The following NBAS variants were observed in gnomAD, a reference collection of about 807,000 sequenced individuals.
The protein encoded by NBAS is NAG/BC035112 fusion.
NBAS carries 219 observed loss-of-function variants against 302.5 expected under a neutral mutation model. That is an observed-to-expected ratio of 0.72 (90% confidence interval 0.65 to 0.81). The LOEUF is 0.81. NBAS is among the 30% of genes least tolerant of loss of function. NBAS has a pLI of 0.00. For synonymous variants in NBAS, 1,118 were observed against 1,021.6 expected (o/e 1.09, Z -1.80); for missense variants, 2,932 against 2,841.6 (o/e 1.03, Z -0.72).
At chr2:14,877,333 C>G in the NBAS span, among the ~76,000 whole-genome samples, 2 of 152,178 alleles carry the variant, frequency 1.3e-5, 1 homozygote, top group South Asian at 4.1e-4. Flanking sequence ...CCCCTTGATT[C>G]AGCAACTTCG....
At chr2:15,509,264 C>G (rs1662025890) in intron 10 of NBAS, among the ~76,000 whole-genome samples, 2 of 152,108 alleles carry the variant, frequency 1.3e-5, no homozygotes, top group Admixed American at 6.5e-5. Context: ...TCTCATGCCT[C>G]TATGTTCAGT....
At chr2:14,797,981 T>G in the NBAS span, among the ~76,000 whole-genome samples, 108 of 152,322 alleles carry the variant, frequency 7.1e-4, no homozygotes, top group African/African-American at 2.5e-3. Context: ...TAACGTTACT[T>G]CTAGTAACTT....
the NBAS span, among the ~76,000 whole-genome samples, chr2:14,864,014 C>G: frequency 9.9e-5 from 15 of 152,094 alleles, no homozygotes; most frequent in Non-Finnish European, 2.2e-4. Flanking sequence ...ACTGAAATCA[C>G]TTAGTTACTA....
chr2:15,050,379 C>T, the NBAS span, among the ~76,000 whole-genome samples: 2 of 151,760 alleles, frequency 1.3e-5, no homozygotes, highest in African/African-American at 4.8e-5. Flanking sequence ...ACCCTTGTGG[C>T]TTCAAAGTTA....
chr2:15,137,101 A>G, the NBAS span, among the ~76,000 whole-genome samples: 1 of 152,204 alleles, frequency 6.6e-6, no homozygotes, highest in South Asian at 2.1e-4. Flanking sequence ...GGACAAAGCA[A>G]GAAGGTACCA....
chr2:15,043,768 C>A, the NBAS span, among the ~76,000 whole-genome samples: 3 of 152,314 alleles, frequency 2.0e-5, no homozygotes, highest in South Asian at 6.2e-4. Context: ...TCTAGCTCTG[C>A]CAGGAACCAG....
At chr2:14,805,230 G>C in the NBAS span, among the ~76,000 whole-genome samples, 1 of 152,170 alleles carries the variant, frequency 6.6e-6, no homozygotes, top group East Asian at 1.9e-4. Context: ...CAGCTTCCCA[G>C]AGGAAAGGGT....
Position 15,167,042 on chromosome 2 carries a change from T to C in NBAS, c.*6A>G, listed in dbSNP as rs1664050080. On this transcript the variant is annotated 3_prime_UTR_variant, in exon 52 of 52. Transcript: ENST00000281513. ...TTCTGCTAAGGAGCAGGGCCACAGG[T>C]GGCCCTCACACCCAGTGCTGTGCTG... 6.5e-7 allele frequency: 1 copy of C among 1,535,360 alleles called. No homozygotes were observed.
the NBAS span, among the ~76,000 whole-genome samples, chr2:14,954,415 A>C: frequency 5.3e-5 from 8 of 152,306 alleles, no homozygotes; most frequent in African/African-American, 1.9e-4. Context: ...GGCGACCAGC[A>C]GGCAGGACAC....
At chr2:15,410,637 T>C (rs972150023) in intron 25 of NBAS, among the ~76,000 whole-genome samples, 1 of 152,208 alleles carries the variant, frequency 6.6e-6, no homozygotes, top group African/African-American at 2.4e-5. Flanking sequence ...GATAAAATCT[T>C]TGCATAAGTT....
intron 30 of NBAS, among the ~76,000 whole-genome samples, chr2:15,377,569 A>G (rs1294738902): frequency 2.0e-5 from 3 of 152,228 alleles, no homozygotes; most frequent in African/African-American, 7.2e-5. Flanking sequence ...GACTGGCCCA[A>G]GGTCACATAC....
chr2:14,808,883 G>A, the NBAS span, among the ~76,000 whole-genome samples: 1 of 152,148 alleles, frequency 6.6e-6, no homozygotes, highest in Non-Finnish European at 1.5e-5. Context: ...AGGCTGAGGT[G>A]GTCTCAGATG....
At chr2:15,387,691 G>A (rs1163230723) in intron 28 of NBAS, among the ~76,000 whole-genome samples, 5 of 151,538 alleles carry the variant, frequency 3.3e-5, no homozygotes, top group African/African-American at 9.7e-5. Context: ...GAGTGCAGTG[G>A]CAAGATCTCG....
intron 44 of NBAS, among the ~76,000 whole-genome samples, chr2:15,259,698 G>C (rs750598781): frequency 7.9e-5 from 12 of 152,146 alleles, no homozygotes; most frequent in Non-Finnish European, 1.3e-4. Context: ...ACAACTACCT[G>C]CTGTCATAAA....
chr2:15,490,226 T>C (rs373247098), intron 11 of NBAS, among the ~76,000 whole-genome samples: 51 of 152,236 alleles, frequency 3.4e-4, no homozygotes, highest in South Asian at 2.9e-3. Context: ...AGTCCTCAAG[T>C]CTCAAATGAC....
At chr2:15,376,521 C>T (rs538841400) in intron 30 of NBAS, among the ~76,000 whole-genome samples, 18 of 152,110 alleles carry the variant, frequency 1.2e-4, no homozygotes, top group Non-Finnish European at 2.6e-4. Context: ...AAAGAGCTAA[C>T]TGCTTTAAAC....
intron 11 of NBAS, among the ~76,000 whole-genome samples, chr2:15,501,443 G>A (rs1661545105): frequency 6.6e-6 from 1 of 152,044 alleles, no homozygotes; most frequent in Non-Finnish European, 1.5e-5. Context: ...GATAACAGCA[G>A]TCACCATTAC....
the NBAS span, among the ~76,000 whole-genome samples, chr2:14,823,056 T>C: frequency 5.3e-5 from 8 of 152,204 alleles, no homozygotes; most frequent in Middle Eastern, 3.2e-3. Flanking sequence ...ACAAGCTGAA[T>C]TGGCAAAACA....
the NBAS span, among the ~76,000 whole-genome samples, chr2:14,833,759 T>C: frequency 1.3e-5 from 2 of 152,170 alleles, no homozygotes; most frequent in East Asian, 1.9e-4. Context: ...CTATATGACT[T>C]TGAATATGTC....
Sources: gnomAD v4.1 joint callset for allele counts (sites outside exome capture counted in the v4.1 genomes callset) on GRCh38, gnomAD v4.1.1 for gene constraint, MANE v1.5 for transcripts, NCBI Gene and HGNC (gene_info 2026-07-23, HGNC 2026-07-21) for gene names.